The following CCDC146 variants were observed in gnomAD, a reference collection of about 807,000 sequenced individuals.
CCDC146 encodes coiled-coil domain-containing protein 146.
In CCDC146, 92 loss-of-function variants were observed where a neutral mutation model predicts 119.3. The ratio of observed to expected loss-of-function variants is 0.77; its 90% CI spans 0.65 to 0.92. CCDC146 has a LOEUF of 0.92. CCDC146 is among the 40% of genes least tolerant of loss of function. The probability of loss-of-function intolerance (pLI) is 0.00; values close to 1 mark genes in which losing one functional copy is unlikely to be tolerated. For synonymous variants in CCDC146, 372 were observed against 371.8 expected, an observed-to-expected ratio of 1.00 and a Z score of -0.01; for missense variants, 1,000 against 1,103.0, an observed-to-expected ratio of 0.91 and a Z score of 1.32.
At position 77,286,892 on chromosome 7, in the gene CCDC146, TG is replaced by T; in HGVS notation, c.2244del (p.Thr749ProfsTer5). 6.2e-7 allele frequency: 1 copy of T among 1,614,154 alleles called. No individual in the cohort carries two copies. Among genetic ancestry groups the T allele is most frequent in the Non-Finnish European group, 8.5e-7 (1 of 1,179,988 alleles). The stretch of plus-strand genomic sequence containing the variant: ...GCTCGCTTCCTTCCAGGGAAAGATC[TG>T]ACCGAAAAAGAAATGATCCAAAAAT... ...NRARFLPGKD[L>X]TEKEMIQKLD... On this transcript the variant is annotated frameshift_variant, in exon 16 of 19. Coordinates refer to ENST00000285871, the MANE Select transcript of CCDC146 (RefSeq NM_020879.3). LOFTEE classifies it high-confidence loss of function.
rs1351180232 is a variant in CCDC146 at position 77,241,203 on chromosome 7, G to A, written c.240-488G>A. On this transcript the variant is annotated intron_variant, in intron 3 of 18. Transcript: ENST00000285871. The stretch of plus-strand genomic sequence containing the variant: ...CTCCCGAGTAGCTGGGACTACAGGC[G>A]CCCGCCACCATGCCCAGCTAATTTT... Among the ~76,000 whole-genome samples, 6 of 144,496 alleles carry A rather than the reference G, an allele frequency of 4.2e-5. No individual in the cohort carries two copies. The East Asian group carries it at 6.0e-4, about 14-fold the overall frequency. 94.8% of individuals were successfully genotyped at this position (144,496 alleles called of 152,430 possible).
chr7:77,262,310 G>A lies in CCDC146; in HGVS notation c.1173+3G>A, dbSNP rs370773270. 2.4e-5 allele frequency: 38 copies of A among 1,560,266 alleles called. 1 individual carries two copies. The South Asian group carries it at 3.5e-4, about 14-fold the overall frequency. On this transcript the variant is annotated splice_donor_region_variant and intron_variant, in intron 9 of 18. Coordinates refer to ENST00000285871, the MANE Select transcript of CCDC146 (RefSeq NM_020879.3). ...TGCATCAAAGGCTTCTATTAGAGGTGAGGGCTGTAAACTACCATCTGATTT... is the reference window on the plus strand; with the variant it reads ...TGCATCAAAGGCTTCTATTAGAGGTAAGGGCTGTAAACTACCATCTGATTT...
At chr7:77,257,865 T>C (rs1793210374) in intron 6 of CCDC146, 2 of 152,242 alleles carry the variant, frequency 1.3e-5, no homozygotes, top group African/African-American at 4.8e-5. Flanking sequence ...GGAGGTGCGG[T>C]GTTAGACAAA....
Position 77,150,120 on chromosome 7 carries a change from A to G in CCDC146, c.-11-17538A>G, listed in dbSNP as rs546283097. On this transcript the variant is annotated intron_variant, in intron 1 of 18. Transcript: ENST00000285871. ...AAAAGGAAATATAGGAGAAAATCTT[A>G]TGACCTTGGGTTTGACAAAGATTTT... Among the ~76,000 whole-genome samples, 11 of 152,288 alleles carry G rather than the reference A, an allele frequency of 7.2e-5. No homozygotes were observed. The East Asian group carries it at 1.5e-3, about 21-fold the overall frequency.
chr7:77,223,703 T>C (rs992503901), intron 2 of CCDC146, among the ~76,000 whole-genome samples: 2 of 152,252 alleles, frequency 1.3e-5, no homozygotes, highest in African/African-American at 4.8e-5. Flanking sequence ...AACTGCATCA[T>C]TGGTTTTAAG....
chr7:77,196,180 T>G lies in CCDC146; in HGVS notation c.156+28356T>G. ...AGAACCTAGCCGTCAGACATCATTT[T>G]TTAGCTATGAAAAATATGAAACAAG... On this transcript the variant is annotated intron_variant, in intron 2 of 18. Transcript: ENST00000285871. This position sits in a 1 kb window ranked among gnomAD's most constrained non-coding sequence, Gnocchi z 4.2. 1 of 859,508 alleles carries G rather than the reference T, an allele frequency of 1.2e-6. No homozygotes were observed. Among genetic ancestry groups the G allele is most frequent in the Non-Finnish European group, 1.8e-6 (1 of 566,094 alleles). The allele number at this position is 859,508 out of a possible 1,614,324, so 53.2% of individuals were successfully genotyped here. A position where few individuals can be genotyped will look rare whatever the true frequency, so the allele number is the denominator to read the frequency against.
rs1234765206 is a variant in CCDC146 at position 77,282,673 on chromosome 7, T to C, written c.2036T>C (p.Ile679Thr). 1.2e-6 allele frequency: 2 copies of C among 1,613,656 alleles called. No homozygotes were observed. The highest frequency in any genetic ancestry group is 2.7e-5 in the African/African-American group (2 of 74,906). The change falls in exon 15 of 19, where the codon ATC (isoleucine) becomes ACC (threonine). Residue 679 changes from isoleucine (I) to threonine (T), a missense_variant. Transcript: ENST00000285871. ...EIEIHLLEEK[I>T]QFLKMKIAEK... ...GAAATACATCTACTGGAAGAAAAGA[T>C]CCAATTCCTGAAAATGAAGATTGCT... is the stretch of plus-strand genomic sequence containing the variant.
intron 2 of CCDC146, among the ~76,000 whole-genome samples, chr7:77,185,162 G>T (rs1791646536): frequency 6.6e-6 from 1 of 151,960 alleles, no homozygotes; most frequent in South Asian, 2.1e-4. Flanking sequence ...AGCAAACAGA[G>T]ATGACATTGG....
At chr7:77,136,093 A>C (rs1457597525) in intron 1 of CCDC146, among the ~76,000 whole-genome samples, 1 of 152,226 alleles carries the variant, frequency 6.6e-6, no homozygotes, top group East Asian at 1.9e-4. Flanking sequence ...CTTTCAATTC[A>C]ATGAAGGTGA....
At chr7:77,287,028 C>A in intron 16 of CCDC146, 102 bp downstream of exon 16, 1 of 1,257,296 alleles carries the variant, frequency 8.0e-7, no homozygotes, top group Non-Finnish European at 1.1e-6. Flanking sequence ...ACCTATCCTT[C>A]ATTATTCTAG....
chr7:77,161,492 A>G (rs1387283610), intron 1 of CCDC146, among the ~76,000 whole-genome samples: 1 of 152,036 alleles, frequency 6.6e-6, no homozygotes, highest in African/African-American at 2.4e-5. Flanking sequence ...TTGTGGGGAC[A>G]TGGATGAAAT....
chr7:77,260,997 T>G lies in CCDC146; in HGVS notation c.986+761T>G, dbSNP rs777016926. 7.2e-5 allele frequency among the ~76,000 whole-genome samples: 11 copies of G among 152,008 alleles called. No individual in the cohort carries two copies. The South Asian group carries it at 8.3e-4, about 11-fold the overall frequency. On this transcript the variant is annotated intron_variant, in intron 8 of 18. Transcript: ENST00000285871. ...TATCTCTGCCAGTCTGTTATTTTTT[T>G]GGGGGGTGGGGGTTATAAGACTGCA... is the stretch of plus-strand genomic sequence containing the variant.
intron 9 of CCDC146, among the ~76,000 whole-genome samples, chr7:77,264,366 T>C (rs777657703): frequency 1.3e-5 from 2 of 152,224 alleles, no homozygotes; most frequent in Non-Finnish European, 2.9e-5. Context: ...TAAGCAATTC[T>C]CGTACTTCAG....
At chr7:77,261,737 A>G (rs1490444931) in intron 8 of CCDC146, among the ~76,000 whole-genome samples, 2 of 151,788 alleles carry the variant, frequency 1.3e-5, no homozygotes, top group Admixed American at 6.6e-5. Flanking sequence ...TCGGCCTCCC[A>G]AAGTGCTGGG....
At chr7:77,124,051 CAA>C (rs1374439374) in intron 1 of CCDC146, among the ~76,000 whole-genome samples, 1 of 152,164 alleles carries the variant, frequency 6.6e-6, no homozygotes, top group East Asian at 1.9e-4. Context: ...AGAATGTACT[CAA>C]ATTTTCTGTA....
intron 14 of CCDC146, among the ~76,000 whole-genome samples, 195 bp downstream of exon 14, chr7:77,280,848 T>A (rs935227910): frequency 1.3e-5 from 2 of 152,194 alleles, no homozygotes; most frequent in African/African-American, 4.8e-5. Context: ...AGTGGCATGA[T>A]CCCAGCACTT....
intron 2 of CCDC146, among the ~76,000 whole-genome samples, chr7:77,209,397 T>C (rs778668879): frequency 6.6e-6 from 1 of 152,212 alleles, no homozygotes; most frequent in Non-Finnish European, 1.5e-5. Context: ...GACACAGGGG[T>C]GGGCTCTCAA....
chr7:77,271,064 A>AC (rs997230204), intron 9 of CCDC146, among the ~76,000 whole-genome samples: 3 of 152,104 alleles, frequency 2.0e-5, no homozygotes, highest in African/African-American at 7.2e-5. Flanking sequence ...AAAAAAAAAA[A>AC]AAAAACAGCA....
chr7:77,241,644 G>A, intron 3 of CCDC146, 47 bp from the exon 4 acceptor site: 2 of 1,547,030 alleles, frequency 1.3e-6, no homozygotes, highest in East Asian at 2.2e-5. Flanking sequence ...AGCCACCGAG[G>A]ATGTACATGT....
Sources: gnomAD v4.1 joint callset for allele counts (sites outside exome capture counted in the v4.1 genomes callset) on GRCh38, gnomAD v4.1.1 for gene constraint, Gnocchi (gnomAD v3.1) non-coding constraint, MANE v1.5 for transcripts, NCBI Gene and HGNC (gene_info 2026-07-23, HGNC 2026-07-21) for gene names.